MEI4: variants seen among roughly 807,000 people sequenced by gnomAD.
MEI4 encodes meiotic double-stranded break formation protein 4.
MEI4 carries 27 observed loss-of-function variants against 31.4 expected under a neutral mutation model. That is an observed-to-expected ratio of 0.86 (90% CI 0.63 to 1.19). The LOEUF is 1.19. Ranked by LOEUF, MEI4 falls within the 50% of genes most tolerant of loss-of-function variation. MEI4 has a pLI of 0.00. For synonymous variants in MEI4, 122 were observed against 145.4 expected (o/e 0.84, Z 1.16); for missense variants, 329 against 398.9 (o/e 0.82, Z 1.49).
rs558079383 is a variant in MEI4, at chr6:77,734,692, T to G, written c.233-26438T>G. Among the ~76,000 whole-genome samples the G allele has an allele frequency of 9.3e-4, 141 of 151,746 alleles. 1 individual carries two copies. The highest frequency in any genetic ancestry group is 1.6e-3 in the Admixed American group (24 of 15,254). On this transcript the variant is annotated intron_variant, in intron 2 of 4. Transcript: ENST00000684080. Reference sequence around the variant, plus strand: ...TGATCCTGTCATTATGTTAGCTGGTTATTTTGCTCGTTAGTTGATGCAGTT... The same window carrying G: ...TGATCCTGTCATTATGTTAGCTGGTGATTTTGCTCGTTAGTTGATGCAGTT...
chr6:77,869,469 G>C (rs533774354), intron 4 of MEI4, among the ~76,000 whole-genome samples: 27 of 152,174 alleles, frequency 1.8e-4, no homozygotes, highest in South Asian at 6.2e-4. Flanking sequence ...TTTGTACACA[G>C]AAAGAAACAC....
chr6:77,904,964 T>A (rs1210002384), intron 4 of MEI4, among the ~76,000 whole-genome samples: 1 of 152,150 alleles, frequency 6.6e-6, no homozygotes, highest in Non-Finnish European at 1.5e-5. Context: ...AATATTCTAA[T>A]TTTCCTTTAT....
chr6:77,715,687 C>T (rs757915362), intron 2 of MEI4, among the ~76,000 whole-genome samples: 1 of 152,140 alleles, frequency 6.6e-6, no homozygotes, highest in Non-Finnish European at 1.5e-5. Flanking sequence ...GGCAGATAGA[C>T]TATACTTAAA....
intron 1 of MEI4, among the ~76,000 whole-genome samples, chr6:77,677,462 A>C (rs989691876): frequency 6.6e-6 from 1 of 152,138 alleles, no homozygotes; most frequent in African/African-American, 2.4e-5. Context: ...GTCATTCTTG[A>C]TATCTTTTCT....
rs937314666 is a variant in MEI4, at chr6:77,852,554, CT to C, written c.900+23499del. Among the ~76,000 whole-genome samples, 21 of 146,658 alleles carry C rather than the reference CT, an allele frequency of 1.4e-4. No individual in the cohort carries two copies. In the East Asian group the frequency reaches 2.0e-3, roughly 14 times the overall value. On this transcript the variant is annotated intron_variant, in intron 4 of 4. Coordinates refer to ENST00000684080, the MANE Select transcript of MEI4 (RefSeq NM_001322247.2). Reference sequence around the variant, plus strand: ...CAACTTTTATTTTTTTGCTTTTTTACTTTTTTTGTTTTTGTTTTTTGTTGTT... The same window carrying C: ...CAACTTTTATTTTTTTGCTTTTTTACTTTTTTGTTTTTGTTTTTTGTTGTT...
At chr6:77,907,447 T>C (rs1766322475) in intron 4 of MEI4, among the ~76,000 whole-genome samples, 1 of 152,140 alleles carries the variant, frequency 6.6e-6, no homozygotes, top group Admixed American at 6.6e-5. Flanking sequence ...TTCATCCATG[T>C]CCCTACAAAG....
intron 4 of MEI4, among the ~76,000 whole-genome samples, chr6:77,901,877 AT>A (rs1766194746): frequency 6.6e-6 from 1 of 151,998 alleles, no homozygotes; most frequent in African/African-American, 2.4e-5. Context: ...TTTTGAGTTG[AT>A]TTTTGTATAT....
chr6:77,877,545 C>A (rs1771371917), intron 4 of MEI4, among the ~76,000 whole-genome samples: 1 of 152,010 alleles, frequency 6.6e-6, no homozygotes, highest in Non-Finnish European at 1.5e-5. Flanking sequence ...ACATACGTAT[C>A]TATGTAGATG....
chr6:77,670,638 C>T (rs1400841050), intron 1 of MEI4, among the ~76,000 whole-genome samples: 1 of 152,144 alleles, frequency 6.6e-6, no homozygotes. Flanking sequence ...CCTTGGCCTG[C>T]CTTTTCATGC....
intron 3 of MEI4, 142 bp downstream of exon 3, chr6:77,761,807 T>G (rs1768051862): frequency 4.2e-6 from 2 of 473,860 alleles, no homozygotes; most frequent in Non-Finnish European, 6.7e-6. Flanking sequence ...TCTGCAGCTC[T>G]TATCTGTCAT....
intron 4 of MEI4, among the ~76,000 whole-genome samples, chr6:77,914,747 T>C (rs1244335510): frequency 6.6e-6 from 1 of 152,162 alleles, no homozygotes; most frequent in African/African-American, 2.4e-5. Context: ...TTTGTATATC[T>C]GTAGACAATG....
chr6:77,740,210 TTA>T (rs1437657142), intron 2 of MEI4, among the ~76,000 whole-genome samples: 9 of 152,180 alleles, frequency 5.9e-5, no homozygotes, highest in Admixed American at 5.9e-4. Flanking sequence ...GAGGAGTTTT[TTA>T]TGTTTGATTA....
At position 77,748,667 on chromosome 6, in the gene MEI4, T is replaced by G. The variant is rs532492431; in HGVS notation, c.233-12463T>G. On this transcript the variant is annotated intron_variant, in intron 2 of 4. Coordinates refer to ENST00000684080, the MANE Select transcript of MEI4 (RefSeq NM_001322247.2). ...TTAGACTCCTCATTATTTATGTAAA[T>G]TTCTGCAGCTGGCTTGAATTTCTCC... is the stretch of plus-strand genomic sequence containing the variant. Among the ~76,000 whole-genome samples the G allele has an allele frequency of 2.0e-5, 3 of 152,372 alleles. No individual in the cohort carries two copies. The South Asian group carries it at 6.2e-4, about 32-fold the overall frequency.
intron 3 of MEI4, among the ~76,000 whole-genome samples, chr6:77,816,465 A>G (rs1311106455): frequency 6.6e-6 from 1 of 152,080 alleles, no homozygotes; most frequent in African/African-American, 2.4e-5. Context: ...TTTTTAAAAT[A>G]CATTTCATCC....
In MEI4 at chr6:77,924,469, A is replaced by AGAT. The variant is rs533280567; in HGVS notation, c.*1124_*1126dup. On this transcript the variant is annotated 3_prime_UTR_variant, in exon 5 of 5. Transcript: ENST00000684080. ...AGTCAGCTTTTGTTATGTGACAGATAGATAATCAATCACAAAATATCTATC... is the reference window on the plus strand; with the variant it reads ...AGTCAGCTTTTGTTATGTGACAGATAGATGATAATCAATCACAAAATATCTATC... 62 of 151,848 alleles carry AGAT rather than the reference A, an allele frequency of 4.1e-4. 1 individual carries two copies. The highest frequency in any genetic ancestry group is 1.4e-3 in the African/African-American group (57 of 41,454). 9.4% of individuals were successfully genotyped at this position (151,848 alleles called of 1,614,324 possible). A position where few individuals can be genotyped will look rare whatever the true frequency, so the allele number is the denominator to read the frequency against.
intron 4 of MEI4, among the ~76,000 whole-genome samples, chr6:77,858,367 AAAT>A (rs1218939511): frequency 3.9e-5 from 6 of 152,194 alleles, no homozygotes; most frequent in African/African-American, 1.4e-4. Context: ...CATTTTAAAT[AAAT>A]AATAATATTA....
intron 2 of MEI4, among the ~76,000 whole-genome samples, chr6:77,749,254 C>G (rs146602939): frequency 5.9e-5 from 9 of 152,206 alleles, no homozygotes; most frequent in Non-Finnish European, 4.4e-5. Context: ...GAGAAGAAAA[C>G]TGAACAGAGA....
chr6:77,731,897 A>G (rs901048963), intron 2 of MEI4, among the ~76,000 whole-genome samples: 4 of 151,766 alleles, frequency 2.6e-5, no homozygotes, highest in Admixed American at 6.6e-5. Flanking sequence ...CCTTTCCCCA[A>G]TGCTTGTTTT....
chr6:77,909,584 A>T (rs1581971393), intron 4 of MEI4, among the ~76,000 whole-genome samples: 1 of 152,152 alleles, frequency 6.6e-6, no homozygotes, highest in East Asian at 1.9e-4. Context: ...CCAACCAACA[A>T]AAGTCCAGGA....
Sources: allele counts gnomAD v4.1 joint callset (sites outside exome capture counted in the v4.1 genomes callset), GRCh38; gene constraint gnomAD v4.1.1; transcripts MANE v1.5; gene names NCBI Gene and HGNC (gene_info 2026-07-23, HGNC 2026-07-21).